The following KPNA5 variants were observed in gnomAD, a reference collection of about 807,000 sequenced individuals.
KPNA5 encodes karyopherin subunit alpha 5, also known as importin subunit alpha-6.
Under a neutral mutation model 71.3 loss-of-function variants are expected in KPNA5, and 46 were observed. The ratio of observed to expected loss-of-function variants is 0.65; its 90% CI spans 0.51 to 0.83. The LOEUF (loss-of-function observed/expected upper bound fraction) is 0.83, where lower values mean the gene tolerates loss of function less well. Among genes scored for constraint, KPNA5 ranks in the 40% least tolerant of loss-of-function variants. The probability of loss-of-function intolerance (pLI) is 0.00; values close to 1 mark genes in which losing one functional copy is unlikely to be tolerated. For missense variants in KPNA5, 547 were observed against 628.3 expected (o/e 0.87, Z 1.38); for synonymous variants, 207 against 201.4 (o/e 1.03, Z -0.24).
intron 7 of KPNA5, among the ~76,000 whole-genome samples, chr6:116,715,914 CAAAAAA>C (rs113069826): frequency 8.1e-6 from 1 of 123,126 alleles, no homozygotes; most frequent in South Asian, 2.5e-4. Flanking sequence ...GACTCTGACT[CAAAAAA>C]AAAAAGAAAA....
At chr6:116,700,481 CAA>C (rs1371486348) in intron 5 of KPNA5, among the ~76,000 whole-genome samples, 2 of 151,952 alleles carry the variant, frequency 1.3e-5, no homozygotes, top group African/African-American at 4.8e-5. Context: ...AACAAACAAA[CAA>C]ACACACACAC....
intron 1 of KPNA5, among the ~76,000 whole-genome samples, chr6:116,682,308 C>G (rs1777394130): frequency 6.6e-6 from 1 of 152,118 alleles, no homozygotes; most frequent in South Asian, 2.1e-4. Flanking sequence ...GCCCGGGCGA[C>G]AGAGCGAGAC....
intron 10 of KPNA5, among the ~76,000 whole-genome samples, chr6:116,725,151 T>G (rs1779246699): frequency 6.6e-6 from 1 of 152,206 alleles, no homozygotes; most frequent in African/African-American, 2.4e-5. Flanking sequence ...ACTGTAATTT[T>G]CAGTTGGATT....
intron 7 of KPNA5, among the ~76,000 whole-genome samples, chr6:116,713,608 T>G (rs1778782591): frequency 1.3e-5 from 2 of 152,200 alleles, no homozygotes; most frequent in South Asian, 4.1e-4. Context: ...AAGTTTTCAG[T>G]AATTATTTCT....
At chr6:116,689,136 T>C (rs368964500) in intron 1 of KPNA5, among the ~76,000 whole-genome samples, 184 bp from the exon 2 acceptor site, 109 of 152,302 alleles carry the variant, frequency 7.2e-4, no homozygotes, top group African/African-American at 1.1e-3. Context: ...TTCTAAAATA[T>C]GTGGTCATTT....
chr6:116,709,236 C>G (rs1778559930), intron 7 of KPNA5, among the ~76,000 whole-genome samples: 1 of 152,186 alleles, frequency 6.6e-6, no homozygotes, highest in South Asian at 2.1e-4. Flanking sequence ...TGCCTGTAGT[C>G]TCAGATACTT....
chr6:116,683,896 CTTTTTTTTTTTTTTTTTTT>C (rs140446065), intron 1 of KPNA5, among the ~76,000 whole-genome samples: 19 of 59,606 alleles, frequency 3.2e-4, no homozygotes, highest in Middle Eastern at 0.014. Context: ...CGTGCCCGGC[CTTTTTTTTTTTTTTTTTTT>C]TTTTTTTTTT....
In KPNA5 at chr6:116,721,353, A is replaced by C. The variant is rs188435529; in HGVS notation, c.757-773A>C. Among the ~76,000 whole-genome samples the C allele has an allele frequency of 2.2e-3, 334 of 152,204 alleles. 1 individual carries two copies. The highest frequency in any genetic ancestry group is 3.4e-3 in the Middle Eastern group (1 of 294). On this transcript the variant is annotated intron_variant, in intron 8 of 13. Transcript: ENST00000368564. The stretch of plus-strand genomic sequence containing the variant: ...TTTTTAGTAGAGATCGGGTTTCTCC[A>C]TGTTGGTCAGGCTGGTCTCGAACTC...
intron 2 of KPNA5, among the ~76,000 whole-genome samples, chr6:116,691,392 C>T (rs888279075): frequency 1.6e-4 from 24 of 152,248 alleles, no homozygotes; most frequent in African/African-American, 5.8e-4. Context: ...TAGCTGAGAC[C>T]AGAGGCACGT....
At position 116,734,182 on chromosome 6, in the gene KPNA5, A is replaced by G. The variant is rs1779590820; in HGVS notation, c.*1859A>G. Reference sequence around the variant, plus strand: ...TCAGATTAACCTTTTTGTGGTGCAGATGGTTCTAAGTATCAGGTGACAGGG... The same window carrying G: ...TCAGATTAACCTTTTTGTGGTGCAGGTGGTTCTAAGTATCAGGTGACAGGG... On this transcript the variant is annotated 3_prime_UTR_variant, in exon 14 of 14. Coordinates refer to ENST00000368564, the MANE Select transcript of KPNA5 (RefSeq NM_001366306.2). 6.6e-6 allele frequency: 1 copy of G among 151,762 alleles called. No homozygotes were observed. Among genetic ancestry groups the G allele is most frequent in the Non-Finnish European group, 1.5e-5 (1 of 67,742 alleles). The allele number at this position is 151,762 out of a possible 1,614,324, so 9.4% of individuals were successfully genotyped here. A position where few individuals can be genotyped will look rare whatever the true frequency, so the allele number is the denominator to read the frequency against.
chr6:116,683,708 C>G (rs1161517011), intron 1 of KPNA5, among the ~76,000 whole-genome samples: 1 of 151,756 alleles, frequency 6.6e-6, no homozygotes, highest in Non-Finnish European at 1.5e-5. Flanking sequence ...CCGGGGTCTC[C>G]TGCCTCAGCC....
intron 8 of KPNA5, among the ~76,000 whole-genome samples, chr6:116,720,423 A>T (rs1779059650): frequency 6.6e-6 from 1 of 151,574 alleles, no homozygotes; most frequent in Non-Finnish European, 1.5e-5. Flanking sequence ...TCCTGAGAAG[A>T]TACTGGGGCA....
At chr6:116,718,577 T>C (rs1222319854) in intron 8 of KPNA5, among the ~76,000 whole-genome samples, 4 of 150,778 alleles carry the variant, frequency 2.7e-5, no homozygotes, top group African/African-American at 9.8e-5. Flanking sequence ...TTTATGTATT[T>C]TAATTTTTAA....
intron 4 of KPNA5, among the ~76,000 whole-genome samples, chr6:116,693,563 G>A (rs1011668106): frequency 2.0e-5 from 3 of 152,072 alleles, no homozygotes; most frequent in Admixed American, 6.6e-5. Context: ...CATATCCTTC[G>A]CCCACTTGTT....
At chr6:116,721,985 A>T in intron 8 of KPNA5, 141 bp from the exon 9 acceptor site, 2 of 546,428 alleles carry the variant, frequency 3.7e-6, no homozygotes, top group Non-Finnish European at 6.1e-6. Flanking sequence ...CATACATCTG[A>T]TTATAATTTT....
intron 8 of KPNA5, among the ~76,000 whole-genome samples, chr6:116,720,142 C>T (rs1779048039): frequency 6.6e-6 from 1 of 152,156 alleles, no homozygotes; most frequent in African/African-American, 2.4e-5. Flanking sequence ...GATTTTTAAC[C>T]TCTTCCTCTA....
At chr6:116,704,641 C>A (rs1778363554) in intron 6 of KPNA5, among the ~76,000 whole-genome samples, 1 of 151,864 alleles carries the variant, frequency 6.6e-6, no homozygotes, top group South Asian at 2.1e-4. Flanking sequence ...CAAGGTGGAG[C>A]AAGGCTCCTT....
rs1779787817 is a variant in KPNA5 at position 116,739,386 on chromosome 6, G to C, written c.*7063G>C. On this transcript the variant is annotated 3_prime_UTR_variant, in exon 14 of 14. Coordinates refer to ENST00000368564, the MANE Select transcript of KPNA5 (RefSeq NM_001366306.2). ...ATGGAAGAACATTCCATGCTCATGG[G>C]TAGGAAGAATCAATATCGTGAAAAT... is the stretch of plus-strand genomic sequence containing the variant. 1 of 152,172 alleles carries C rather than the reference G, an allele frequency of 6.6e-6. No individual in the cohort carries two copies. 9.4% of individuals were successfully genotyped at this position (152,172 alleles called of 1,614,324 possible).
At chr6:116,713,701 T>C (rs1268337575) in intron 7 of KPNA5, among the ~76,000 whole-genome samples, 1 of 152,204 alleles carries the variant, frequency 6.6e-6, no homozygotes, top group East Asian at 1.9e-4. Flanking sequence ...ACAGCTTTCT[T>C]AGACTGTGTT....
Sources: gnomAD v4.1 joint callset for allele counts (sites outside exome capture counted in the v4.1 genomes callset) on GRCh38, gnomAD v4.1.1 for gene constraint, MANE v1.5 for transcripts, NCBI Gene and HGNC (gene_info 2026-07-23, HGNC 2026-07-21) for gene names.